DGKB: variants seen among roughly 807,000 people sequenced by gnomAD.
DGKB encodes 90 kDa diacylglycerol kinase.
A neutral mutation model predicts 114.3 loss-of-function variants in DGKB; 67 were observed. The ratio of observed to expected loss-of-function variants is 0.59; its 90% CI spans 0.48 to 0.72. The LOEUF (loss-of-function observed/expected upper bound fraction) is 0.72, where lower values mean the gene tolerates loss of function less well. Ranked by LOEUF, DGKB falls within the 30% of genes least tolerant of loss-of-function variation. The pLI is 0.00. For synonymous variants in DGKB, 398 were observed against 323.1 expected, an observed-to-expected ratio of 1.23 and a Z score of -2.49; for missense variants, 907 against 975.2, an observed-to-expected ratio of 0.93 and a Z score of 0.93.
At chr7:14,587,311 T>G (rs975299705) in intron 17 of DGKB, among the ~76,000 whole-genome samples, 3 of 152,098 alleles carry the variant, frequency 2.0e-5, no homozygotes, top group Non-Finnish European at 4.4e-5. Context: ...GGAGGCTGCA[T>G]GTGACTGAAT....
chr7:14,215,227 A>T (rs1327177874), intron 23 of DGKB, among the ~76,000 whole-genome samples: 1 of 152,160 alleles, frequency 6.6e-6, no homozygotes, highest in Non-Finnish European at 1.5e-5. Flanking sequence ...TAGGGCAAAT[A>T]TAAACAATCC....
intron 21 of DGKB, among the ~76,000 whole-genome samples, chr7:14,423,607 A>C (rs2128769405): frequency 6.6e-6 from 1 of 152,226 alleles, no homozygotes; most frequent in South Asian, 2.1e-4. Context: ...CTTTACAATA[A>C]CTTTGCAACT....
At chr7:14,202,767 G>A (rs1049485236) in intron 23 of DGKB, among the ~76,000 whole-genome samples, 3 of 151,916 alleles carry the variant, frequency 2.0e-5, no homozygotes, top group African/African-American at 7.2e-5. Context: ...ATCTGTTACT[G>A]TAAGATGCCA....
At chr7:14,152,133 A>G (rs1240104352) in intron 25 of DGKB, among the ~76,000 whole-genome samples, 1 of 152,002 alleles carries the variant, frequency 6.6e-6, no homozygotes, top group African/African-American at 2.4e-5. Flanking sequence ...TTAATTTTCT[A>G]TCCACTAGAG....
At chr7:14,872,862 C>A (rs910512018) in intron 1 of DGKB, among the ~76,000 whole-genome samples, 25 of 150,296 alleles carry the variant, frequency 1.7e-4, no homozygotes, top group African/African-American at 5.8e-4. Context: ...TTAATATTTT[C>A]CAATTTAAAA....
intron 23 of DGKB, among the ~76,000 whole-genome samples, chr7:14,251,081 T>G (rs1247728760): frequency 6.6e-6 from 1 of 152,212 alleles, no homozygotes; most frequent in African/African-American, 2.4e-5. Context: ...TTTTATCCAT[T>G]CAGCCCCTCT....
At chr7:14,232,963 C>T (rs1041427839) in intron 23 of DGKB, among the ~76,000 whole-genome samples, 60 of 151,996 alleles carry the variant, frequency 3.9e-4, no homozygotes, top group Non-Finnish European at 1.5e-4. Flanking sequence ...TGACTACATC[C>T]AGAGCATCAG....
intron 13 of DGKB, among the ~76,000 whole-genome samples, chr7:14,632,216 T>G (rs1256210095): frequency 6.6e-6 from 1 of 151,946 alleles, no homozygotes; most frequent in Non-Finnish European, 1.5e-5. Flanking sequence ...TGTAGACATT[T>G]GAATATGGAC....
At chr7:14,495,478 T>C (rs1785174313) in intron 20 of DGKB, among the ~76,000 whole-genome samples, 1 of 151,828 alleles carries the variant, frequency 6.6e-6, no homozygotes, top group Non-Finnish European at 1.5e-5. Context: ...TTATAGTCTT[T>C]TGAAAGGACA....
intron 21 of DGKB, among the ~76,000 whole-genome samples, chr7:14,458,293 A>C (rs1037014568): frequency 1.3e-5 from 2 of 152,186 alleles, no homozygotes; most frequent in Non-Finnish European, 2.9e-5. Flanking sequence ...CCATCTGATA[A>C]AATAGTGTAA....
intron 9 of DGKB, among the ~76,000 whole-genome samples, chr7:14,686,680 T>C (rs1821742961): frequency 6.6e-6 from 1 of 152,114 alleles, no homozygotes; most frequent in Admixed American, 6.6e-5. Context: ...ACCACCAGAT[T>C]TGTAATACTA....
intron 1 of DGKB, among the ~76,000 whole-genome samples, chr7:14,872,575 AT>A (rs760867728): frequency 4.3e-4 from 66 of 152,242 alleles, no homozygotes; most frequent in Middle Eastern, 3.4e-3. Context: ...ATAATGTAGT[AT>A]TTTGGTGAAT....
At chr7:14,183,623 T>C (rs993586922) in intron 23 of DGKB, among the ~76,000 whole-genome samples, 5 of 152,218 alleles carry the variant, frequency 3.3e-5, no homozygotes, top group African/African-American at 1.2e-4. Flanking sequence ...TCCTTTGAGA[T>C]AGGTATTATT....
chr7:14,879,907 A>C (rs1011350138), intron 1 of DGKB, among the ~76,000 whole-genome samples: 1 of 152,136 alleles, frequency 6.6e-6, no homozygotes, highest in African/African-American at 2.4e-5. Context: ...ATTATATATA[A>C]TTTCTAGTTC....
At chr7:14,586,232 A>G (rs73680460) in intron 17 of DGKB, among the ~76,000 whole-genome samples, 1,577 of 152,248 alleles carry the variant, frequency 0.01, 24 homozygotes, top group African/African-American at 0.035. Flanking sequence ...CACAAACAAC[A>G]AGAAGGCGAA....
intron 21 of DGKB, among the ~76,000 whole-genome samples, chr7:14,350,843 T>C (rs997475915): frequency 6.6e-6 from 1 of 152,138 alleles, no homozygotes; most frequent in Non-Finnish European, 1.5e-5. Context: ...CATAATATTT[T>C]AAGTAGCTTA....
chr7:14,218,945 T>G (rs1789467468), intron 23 of DGKB, among the ~76,000 whole-genome samples: 1 of 151,908 alleles, frequency 6.6e-6, no homozygotes, highest in Non-Finnish European at 1.5e-5. Context: ...TCCACTATTC[T>G]CCCAGCAACT....
At chr7:14,601,147 CCT>C (rs1472008401) in intron 17 of DGKB, among the ~76,000 whole-genome samples, 1 of 152,212 alleles carries the variant, frequency 6.6e-6, no homozygotes, top group African/African-American at 2.4e-5. Flanking sequence ...ACCTTTGCCA[CCT>C]CTGTCTCCTG....
intron 20 of DGKB, among the ~76,000 whole-genome samples, chr7:14,483,138 G>C (rs1797241639): frequency 6.6e-6 from 1 of 151,906 alleles, no homozygotes; most frequent in Admixed American, 6.6e-5. Flanking sequence ...CCCCCAAAAA[G>C]ATATCAGATC....
Sources: gnomAD v4.1 joint callset for allele counts (sites outside exome capture counted in the v4.1 genomes callset) on GRCh38, gnomAD v4.1.1 for gene constraint, MANE v1.5 for transcripts, NCBI Gene and HGNC (gene_info 2026-07-23, HGNC 2026-07-21) for gene names.